Variants in STPG2 observed in about 807,000 individuals in gnomAD.
STPG2 encodes sperm tail PG-rich repeat containing 2.
STPG2 carries 56 observed loss-of-function variants against 54.2 expected under a neutral mutation model. That is an observed-to-expected ratio of 1.03 (90% confidence interval 0.83 to 1.29). The LOEUF is 1.29. STPG2 is among the 50% of genes most tolerant of loss of function. The pLI is 0.00. For synonymous variants in STPG2, 200 were observed against 181.8 expected, an observed-to-expected ratio of 1.10 and a Z score of -0.81; for missense variants, 596 against 544.9, an observed-to-expected ratio of 1.09 and a Z score of -0.93.
chr4:98,025,491 T>C (rs1422922115), intron 5 of STPG2: 2 of 566,876 alleles, frequency 3.5e-6, no homozygotes, highest in Non-Finnish European at 6.6e-6. Flanking sequence ...TGGAAACACT[T>C]AGTGATACAG....
intron 8 of STPG2, among the ~76,000 whole-genome samples, chr4:97,903,423 T>C (rs1312924773): frequency 6.6e-6 from 1 of 150,922 alleles, no homozygotes; most frequent in African/African-American, 2.4e-5. Context: ...AAAAATCAAG[T>C]ATCTAAGCAT....
chr4:97,830,486 C>A (rs1295686019), intron 9 of STPG2, among the ~76,000 whole-genome samples: 1 of 152,108 alleles, frequency 6.6e-6, no homozygotes, highest in African/African-American at 2.4e-5. Context: ...AAATAAGCAC[C>A]TAGCATCATA....
intron 10 of STPG2, among the ~76,000 whole-genome samples, chr4:97,676,972 T>C (rs1002252619): frequency 2.0e-5 from 3 of 152,170 alleles, no homozygotes; most frequent in African/African-American, 7.2e-5. Flanking sequence ...CAGTTACTCA[T>C]ATGAACAACT....
At chr4:97,539,931 G>T (rs1222223416) in intron 4 of STPG2, among the ~76,000 whole-genome samples, 1 of 152,120 alleles carries the variant, frequency 6.6e-6, no homozygotes, top group Non-Finnish European at 1.5e-5. Context: ...AAACCAATGA[G>T]AATAAAGACA....
intron 8 of STPG2, among the ~76,000 whole-genome samples, chr4:97,930,281 G>C (rs1578702239): frequency 6.6e-6 from 1 of 152,168 alleles, no homozygotes; most frequent in South Asian, 2.1e-4. Flanking sequence ...GTATTGGCTA[G>C]GTTGTTCTCA....
intron 4 of STPG2, among the ~76,000 whole-genome samples, chr4:97,476,891 A>G (rs1288993589): frequency 1.3e-5 from 2 of 152,216 alleles, no homozygotes; most frequent in South Asian, 2.1e-4. Flanking sequence ...ATATTTACTG[A>G]TCATGAGTAG....
At chr4:97,959,375 G>A (rs1733801663) in intron 7 of STPG2, among the ~76,000 whole-genome samples, 1 of 151,696 alleles carries the variant, frequency 6.6e-6, no homozygotes, top group Admixed American at 6.6e-5. Context: ...CAAGATCAGA[G>A]TAGAATAAAT....
At chr4:98,058,626 C>T (rs1560659369) in intron 5 of STPG2, among the ~76,000 whole-genome samples, 1 of 152,098 alleles carries the variant, frequency 6.6e-6, no homozygotes, top group African/African-American at 2.4e-5. Flanking sequence ...AGACTTCCTA[C>T]ACTCCATTGA....
intron 8 of STPG2, among the ~76,000 whole-genome samples, chr4:97,864,112 A>G (rs1364298927): frequency 6.6e-6 from 1 of 152,148 alleles, no homozygotes; most frequent in Non-Finnish European, 1.5e-5. Context: ...ATCAGGCAGG[A>G]GAAAGAAATA....
At chr4:97,888,695 A>C (rs1279898821) in intron 8 of STPG2, among the ~76,000 whole-genome samples, 2 of 152,130 alleles carry the variant, frequency 1.3e-5, no homozygotes, top group African/African-American at 4.8e-5. Flanking sequence ...GGAAACTGTT[A>C]AGAAGAGATT....
At chr4:97,442,140 A>C (rs1486715019) in intron 4 of STPG2, among the ~76,000 whole-genome samples, 1 of 152,028 alleles carries the variant, frequency 6.6e-6, no homozygotes, top group Non-Finnish European at 1.5e-5. Context: ...AGTTGAAGAA[A>C]ATGTGGCTTG....
intron 4 of STPG2, among the ~76,000 whole-genome samples, chr4:97,460,082 G>T (rs765607144): frequency 1.5e-4 from 23 of 152,118 alleles, no homozygotes; most frequent in Non-Finnish European, 2.5e-4. Context: ...TAACTACAGA[G>T]AATTAGCTAC....
At chr4:97,903,763 A>G (rs927634651) in intron 8 of STPG2, among the ~76,000 whole-genome samples, 5 of 152,230 alleles carry the variant, frequency 3.3e-5, no homozygotes. Flanking sequence ...GAGCCGAAGC[A>G]GGGCGAGACA....
At chr4:97,814,273 T>C (rs1362895487) in intron 9 of STPG2, among the ~76,000 whole-genome samples, 1 of 152,216 alleles carries the variant, frequency 6.6e-6, no homozygotes, top group Non-Finnish European at 1.5e-5. Context: ...CTGGTTATTC[T>C]GGTAGCCATT....
intron 4 of STPG2, among the ~76,000 whole-genome samples, chr4:97,544,513 A>G (rs982041501): frequency 6.6e-6 from 1 of 152,106 alleles, no homozygotes; most frequent in African/African-American, 2.4e-5. Flanking sequence ...GTTATAAGGA[A>G]GGGAATTGTG....
At chr4:97,573,877 T>C (rs1288402382) in intron 10 of STPG2, among the ~76,000 whole-genome samples, 1 of 152,094 alleles carries the variant, frequency 6.6e-6, no homozygotes, top group Non-Finnish European at 1.5e-5. Context: ...TATTAAAAGC[T>C]GATAGAGCCA....
At chr4:97,723,909 T>C (rs2149018573) in intron 9 of STPG2, among the ~76,000 whole-genome samples, 1 of 152,274 alleles carries the variant, frequency 6.6e-6, no homozygotes, top group East Asian at 1.9e-4. Context: ...ACCAGGTCCC[T>C]CCCTCAACAC....
At chr4:97,615,284 T>C (rs921896117) in intron 10 of STPG2, among the ~76,000 whole-genome samples, 1 of 152,126 alleles carries the variant, frequency 6.6e-6, no homozygotes, top group Non-Finnish European at 1.5e-5. Flanking sequence ...TTTGAATGTA[T>C]TTTTTTAAAG....
At chr4:98,095,739 A>G (rs1738839279) in intron 5 of STPG2, among the ~76,000 whole-genome samples, 1 of 152,206 alleles carries the variant, frequency 6.6e-6, no homozygotes, top group African/African-American at 2.4e-5. Flanking sequence ...TCAACACCCC[A>G]CTTTCAGCAC....
Sources: gnomAD v4.1 joint callset for allele counts (sites outside exome capture counted in the v4.1 genomes callset) on GRCh38, gnomAD v4.1.1 for gene constraint, MANE v1.5 for transcripts, NCBI Gene and HGNC (gene_info 2026-07-23, HGNC 2026-07-21) for gene names.